Variants in CNTN5 observed in about 807,000 individuals in gnomAD.
CNTN5 encodes the protein contactin 5.
A neutral mutation model predicts 129.1 loss-of-function variants in CNTN5; 77 were observed. The ratio of observed to expected loss-of-function variants is 0.60; its 90% CI spans 0.50 to 0.72. The LOEUF (loss-of-function observed/expected upper bound fraction) is 0.72, where lower values mean the gene tolerates loss of function less well. Among genes scored for constraint, CNTN5 ranks in the 30% least tolerant of loss-of-function variants. CNTN5 has a pLI of 0.00. For missense variants in CNTN5, 1,478 were observed against 1,328.8 expected, an observed-to-expected ratio of 1.11 and a Z score of -1.75; for synonymous variants, 509 against 465.6, an observed-to-expected ratio of 1.09 and a Z score of -1.20.
chr11:100,031,083 C>T (rs1941685285), intron 9 of CNTN5, among the ~76,000 whole-genome samples: 1 of 152,188 alleles, frequency 6.6e-6, no homozygotes, highest in Non-Finnish European at 1.5e-5. Context: ...AAAACTCTAG[C>T]AGCTGCTAGC....
intron 3 of CNTN5, among the ~76,000 whole-genome samples, chr11:99,596,011 CCT>C (rs1374164425): frequency 1.3e-5 from 2 of 152,016 alleles, no homozygotes; most frequent in African/African-American, 4.8e-5. Flanking sequence ...GCAAGATCCC[CCT>C]GATTCAAGAC....
intron 1 of CNTN5, among the ~76,000 whole-genome samples, chr11:99,130,079 C>T (rs977174823): frequency 6.6e-6 from 1 of 152,214 alleles, no homozygotes; most frequent in East Asian, 1.9e-4. Context: ...AACCAGCCAA[C>T]ATTATGATGA....
intron 13 of CNTN5, among the ~76,000 whole-genome samples, chr11:100,114,111 T>C (rs1945760415): frequency 6.6e-6 from 1 of 152,090 alleles, no homozygotes; most frequent in Non-Finnish European, 1.5e-5. Context: ...TGGGCGTGCA[T>C]CCAAGATTTG....
rs184466819 is a variant in CNTN5, at chr11:99,524,264, G to A, written c.-70-31881G>A. On this transcript the variant is annotated intron_variant, in intron 2 of 24. Coordinates refer to ENST00000524871, the MANE Select transcript of CNTN5 (RefSeq NM_014361.4). ...TTGGAGGATATTCCCTGACTAAGCT[G>A]TTAAAATTTCTGATTATACAAGTTT... 1.5e-3 allele frequency among the ~76,000 whole-genome samples: 232 copies of A among 152,110 alleles called. 1 individual carries two copies. The highest frequency in any genetic ancestry group is 5.4e-3 in the African/African-American group (226 of 41,512).
intron 13 of CNTN5, among the ~76,000 whole-genome samples, chr11:100,156,974 G>A (rs1316348870): frequency 3.3e-5 from 5 of 151,752 alleles, no homozygotes; most frequent in South Asian, 2.1e-4. Flanking sequence ...AGTTTTTCGT[G>A]TGTGTGTCTC....
At chr11:99,915,900 A>G (rs1221793460) in intron 6 of CNTN5, among the ~76,000 whole-genome samples, 154 bp from the exon 7 acceptor site, 1 of 152,184 alleles carries the variant, frequency 6.6e-6, no homozygotes, top group Non-Finnish European at 1.5e-5. Flanking sequence ...TTAAAATTAG[A>G]TGATGTAGAT....
chr11:99,951,063 G>C (rs919939667), intron 7 of CNTN5, among the ~76,000 whole-genome samples: 3 of 151,628 alleles, frequency 2.0e-5, no homozygotes, highest in African/African-American at 7.3e-5. Context: ...TCTTCCATCA[G>C]TTTTAGTTTA....
intron 2 of CNTN5, among the ~76,000 whole-genome samples, chr11:99,427,100 T>C (rs753036539): frequency 3.3e-5 from 5 of 152,198 alleles, no homozygotes; most frequent in Non-Finnish European, 7.3e-5. Flanking sequence ...GTTGCTTTCC[T>C]CTGTTAGGGG....
chr11:99,990,543 A>G (rs12273744), intron 8 of CNTN5, among the ~76,000 whole-genome samples: 59,620 of 151,578 alleles, frequency 0.39, 13,027 homozygotes, highest in African/African-American at 0.59. Flanking sequence ...GGTTTTTTCA[A>G]TCATCCTACA....
At chr11:99,984,373 G>A (rs1169519757) in intron 8 of CNTN5, among the ~76,000 whole-genome samples, 1 of 150,904 alleles carries the variant, frequency 6.6e-6, no homozygotes, top group Non-Finnish European at 1.5e-5. Flanking sequence ...AGGAAAGGAA[G>A]AAAAGAAAGA....
chr11:99,505,072 T>C (rs1342658624), intron 2 of CNTN5, among the ~76,000 whole-genome samples: 2 of 152,218 alleles, frequency 1.3e-5, no homozygotes, highest in African/African-American at 4.8e-5. Flanking sequence ...TGGGATGGCC[T>C]CTTCTCAAGA....
intron 13 of CNTN5, among the ~76,000 whole-genome samples, chr11:100,169,722 C>T (rs983320836): frequency 9.2e-5 from 14 of 152,038 alleles, no homozygotes; most frequent in African/African-American, 3.4e-4. Flanking sequence ...AGGTGGTTTG[C>T]AACTAAATCC....
At chr11:99,458,005 C>A (rs1944556348) in intron 2 of CNTN5, among the ~76,000 whole-genome samples, 1 of 151,812 alleles carries the variant, frequency 6.6e-6, no homozygotes, top group South Asian at 2.1e-4. Context: ...GACTCCAAAT[C>A]TTAATACTTC....
intron 3 of CNTN5, among the ~76,000 whole-genome samples, chr11:99,694,879 T>C (rs1379087305): frequency 6.6e-6 from 1 of 152,142 alleles, no homozygotes; most frequent in African/African-American, 2.4e-5. Flanking sequence ...CCATTCTTCC[T>C]GGTAGATATC....
chr11:99,702,767 C>G (rs766986458), intron 3 of CNTN5, among the ~76,000 whole-genome samples: 2 of 150,818 alleles, frequency 1.3e-5, no homozygotes, highest in Non-Finnish European at 3.0e-5. Context: ...CAGGAATCCT[C>G]CAGAAGATCC....
chr11:99,352,911 C>T (rs1181234423), intron 2 of CNTN5, among the ~76,000 whole-genome samples: 1 of 152,128 alleles, frequency 6.6e-6, no homozygotes, highest in Non-Finnish European at 1.5e-5. Context: ...TCCTGACTGT[C>T]AATGCATAGA....
chr11:99,625,363 T>C (rs11220688), intron 3 of CNTN5, among the ~76,000 whole-genome samples: 9,703 of 152,222 alleles, frequency 0.064, 427 homozygotes, highest in Non-Finnish European at 0.093. Context: ...AACACATTAT[T>C]TGGAAAGTCA....
chr11:99,428,564 A>C (rs1290321163), intron 2 of CNTN5, among the ~76,000 whole-genome samples: 1 of 150,830 alleles, frequency 6.6e-6, no homozygotes, highest in Non-Finnish European at 1.5e-5. Context: ...TGTCTCAAAA[A>C]AAAAAAAAAA....
At chr11:99,385,853 C>T (rs1940893671) in intron 2 of CNTN5, among the ~76,000 whole-genome samples, 1 of 152,076 alleles carries the variant, frequency 6.6e-6, no homozygotes, top group Non-Finnish European at 1.5e-5. Context: ...TGGAATTGTA[C>T]ATCCTACAAG....
Sources: gnomAD v4.1 joint callset for allele counts (sites outside exome capture counted in the v4.1 genomes callset) on GRCh38, gnomAD v4.1.1 for gene constraint, MANE v1.5 for transcripts, NCBI Gene and HGNC (gene_info 2026-07-23, HGNC 2026-07-21) for gene names.